THSD4: variants seen among roughly 807,000 people sequenced by gnomAD.
THSD4 encodes the protein thrombospondin type 1 domain containing 4.
In THSD4, 69 loss-of-function variants were observed where a neutral mutation model predicts 119.0. The observed-to-expected ratio is 0.58, with a 90% CI of 0.48 to 0.71. The LOEUF (loss-of-function observed/expected upper bound fraction) is 0.71. Ranked by LOEUF, THSD4 falls within the 30% of genes least tolerant of loss-of-function variation. THSD4 has a pLI of 0.00. For missense variants in THSD4, 1,393 were observed against 1,391.1 expected, an observed-to-expected ratio of 1.00 and a Z score of -0.02; for synonymous variants, 524 against 540.4, an observed-to-expected ratio of 0.97 and a Z score of 0.42.
At chr15:71,555,596 TGTAAA>T (rs1472835200) in intron 7 of THSD4, among the ~76,000 whole-genome samples, 1 of 152,236 alleles carries the variant, frequency 6.6e-6, no homozygotes, top group Non-Finnish European at 1.5e-5. Context: ...CTTTATGACT[TGTAAA>T]GTGTCTTTAG....
chr15:71,480,339 CT>C (rs2047711583), intron 7 of THSD4, among the ~76,000 whole-genome samples: 1 of 152,106 alleles, frequency 6.6e-6, no homozygotes, highest in Non-Finnish European at 1.5e-5. Flanking sequence ...TGCCCCGCCA[CT>C]TTTTTTGTTA....
chr15:71,726,753 C>T (rs1468162399), intron 8 of THSD4, among the ~76,000 whole-genome samples: 5 of 152,058 alleles, frequency 3.3e-5, no homozygotes, highest in Non-Finnish European at 5.9e-5. Context: ...GCCTGACCAA[C>T]ATGGTGAAAC....
intron 6 of THSD4, among the ~76,000 whole-genome samples, chr15:71,396,485 C>T (rs908836761): frequency 1.3e-5 from 2 of 152,188 alleles, no homozygotes; most frequent in Non-Finnish European, 2.9e-5. Flanking sequence ...ACCAGAATTC[C>T]CTTCCCTGAC....
At chr15:71,734,715 G>A (rs2053047581) in intron 10 of THSD4, among the ~76,000 whole-genome samples, 1 of 151,634 alleles carries the variant, frequency 6.6e-6, no homozygotes, top group African/African-American at 2.4e-5. Flanking sequence ...TGGGATGATG[G>A]TAGTAAGGGA....
chr15:71,130,404 C>T (rs1028093941), intron 1 of THSD4, among the ~76,000 whole-genome samples: 1 of 152,084 alleles, frequency 6.6e-6, no homozygotes, highest in Non-Finnish European at 1.5e-5. Context: ...CCAGGCTGCT[C>T]TCGAACTCCT....
intron 14 of THSD4, among the ~76,000 whole-genome samples, chr15:71,749,781 G>A (rs972038393): frequency 5.3e-5 from 8 of 150,024 alleles, no homozygotes; most frequent in Non-Finnish European, 1.2e-4. Context: ...GTGCAGTGGT[G>A]CAATCTCAGC....
intron 6 of THSD4, among the ~76,000 whole-genome samples, chr15:71,405,972 A>C (rs2046600005): frequency 6.6e-6 from 1 of 152,184 alleles, no homozygotes; most frequent in Admixed American, 6.5e-5. Flanking sequence ...TACAATTAAG[A>C]GGTAGGGTCT....
chr15:71,265,187 C>T (rs893955520), intron 6 of THSD4, among the ~76,000 whole-genome samples: 2 of 152,094 alleles, frequency 1.3e-5, no homozygotes, highest in South Asian at 2.1e-4. Context: ...GAAACGGCTC[C>T]GGTCTGCAGC....
chr15:71,307,894 T>G (rs1359974942), intron 6 of THSD4, among the ~76,000 whole-genome samples: 1 of 152,206 alleles, frequency 6.6e-6, no homozygotes, highest in East Asian at 1.9e-4. Flanking sequence ...GGCACAGGAT[T>G]CTAGGGATCC....
chr15:71,293,577 G>A (rs929349279), intron 6 of THSD4, among the ~76,000 whole-genome samples: 1 of 152,092 alleles, frequency 6.6e-6, no homozygotes, highest in Admixed American at 6.5e-5. Flanking sequence ...GCCTCCGAGG[G>A]CTGGGCTACT....
intron 7 of THSD4, among the ~76,000 whole-genome samples, chr15:71,437,324 C>T (rs2047025979): frequency 6.6e-6 from 1 of 152,192 alleles, no homozygotes; most frequent in Admixed American, 6.5e-5. Context: ...TTTCCAAATG[C>T]AATTTGGAGG....
At chr15:71,373,993 A>G (rs149054027) in intron 6 of THSD4, among the ~76,000 whole-genome samples, 54 of 152,228 alleles carry the variant, frequency 3.5e-4, no homozygotes, top group Non-Finnish European at 3.7e-4. Flanking sequence ...TTATGTGAAC[A>G]CTGGACTGAA....
chr15:71,307,369 A>G (rs2045044864), intron 6 of THSD4, among the ~76,000 whole-genome samples: 1 of 152,184 alleles, frequency 6.6e-6, no homozygotes, highest in Admixed American at 6.5e-5. Flanking sequence ...TGTGTATGTT[A>G]AGTACATTGG....
intron 8 of THSD4, among the ~76,000 whole-genome samples, chr15:71,668,381 G>T (rs190415959): frequency 7.9e-5 from 12 of 152,300 alleles, no homozygotes; most frequent in Admixed American, 7.2e-4. Context: ...CAGCCCAGGT[G>T]TGCAGAGGGG....
chr15:71,612,263 T>C (rs1304329316), intron 7 of THSD4, among the ~76,000 whole-genome samples: 1 of 152,212 alleles, frequency 6.6e-6, no homozygotes, highest in East Asian at 1.9e-4. Context: ...TTGTAAAAGA[T>C]GTAATGAGGC....
chr15:71,281,326 C>T (rs2415114), intron 6 of THSD4, among the ~76,000 whole-genome samples: 33,901 of 152,158 alleles, frequency 0.22, 4,213 homozygotes, highest in East Asian at 0.56. Context: ...GTGAGAGCAA[C>T]ATTTAGTGAA....
chr15:71,520,637 A>G lies in THSD4; in HGVS notation c.1152+108814A>G, dbSNP rs532707331. ...AGATAACATTCATCATTCATTAAGC[A>G]CTTACAATGTGTCAGGTTCTATGCT... is the stretch of plus-strand genomic sequence containing the variant. On this transcript the variant is annotated intron_variant, in intron 7 of 17. Transcript: ENST00000261862. Among the ~76,000 whole-genome samples, 34 of 152,330 alleles carry G rather than the reference A, an allele frequency of 2.2e-4. 1 individual carries two copies. Among genetic ancestry groups the G allele is most frequent in the Admixed American group, 1.8e-3 (28 of 15,302 alleles).
chr15:71,730,738 G>C (rs1342675412), intron 9 of THSD4: 1 of 168,458 alleles, frequency 5.9e-6, no homozygotes, highest in African/African-American at 2.4e-5. Flanking sequence ...ACTTTGTCAC[G>C]CCACCTAGTG....
intron 1 of THSD4, among the ~76,000 whole-genome samples, chr15:71,124,528 T>C (rs1238252369): frequency 6.6e-6 from 1 of 152,166 alleles, no homozygotes; most frequent in Non-Finnish European, 1.5e-5. Flanking sequence ...TCACGGACAT[T>C]CCAGTGCTCA....
Sources: gnomAD v4.1 joint callset for allele counts (sites outside exome capture counted in the v4.1 genomes callset) on GRCh38, gnomAD v4.1.1 for gene constraint, MANE v1.5 for transcripts, NCBI Gene and HGNC (gene_info 2026-07-23, HGNC 2026-07-21) for gene names.